Variants in ERICH6B observed in about 807,000 individuals in gnomAD.
ERICH6B encodes glutamate rich 6B, also known as glutamate-rich protein 6B.
In ERICH6B, 69 loss-of-function variants were observed where a neutral mutation model predicts 80.0. The ratio of observed to expected loss-of-function variants is 0.86; its 90% CI spans 0.71 to 1.05. The LOEUF (loss-of-function observed/expected upper bound fraction) is 1.05. Ranked by LOEUF, ERICH6B falls within the 50% of genes least tolerant of loss-of-function variation. The probability of loss-of-function intolerance (pLI) is 0.00; values close to 1 mark genes in which losing one functional copy is unlikely to be tolerated. For missense variants in ERICH6B, 754 were observed against 796.1 expected, an observed-to-expected ratio of 0.95 and a Z score of 0.64; for synonymous variants, 283 against 291.9, an observed-to-expected ratio of 0.97 and a Z score of 0.31.
In ERICH6B at chr13:45,596,838, C is replaced by T. The variant is rs1876414086; in HGVS notation, c.168G>A (p.Leu56=). 1 of 1,551,816 alleles carries T rather than the reference C, an allele frequency of 6.4e-7. No individual in the cohort carries two copies. The highest frequency in any genetic ancestry group is 8.7e-7 in the Non-Finnish European group (1 of 1,147,018). Residue 56 remains leucine, a synonymous_variant, in exon 3 of 15, where the codon CTG becomes CTA. Transcript: ENST00000298738. ...CCTCCTCCAGATACTCTTTGTCCTC[C>T]AGAGACTCTCCCTCTGGAGAAAATG... The part of the protein sequence containing the change: ...ESPFSPEGES[L]EDKEYLEEEE...
At chr13:45,602,195 T>C (rs1566306089) in intron 2 of ERICH6B, among the ~76,000 whole-genome samples, 1 of 152,096 alleles carries the variant, frequency 6.6e-6, no homozygotes, top group Non-Finnish European at 1.5e-5. Context: ...GAAATGATGG[T>C]TCTGGGGCAG....
chr13:45,610,666 A>G (rs1949894491), intron 1 of ERICH6B, among the ~76,000 whole-genome samples: 2 of 152,220 alleles, frequency 1.3e-5, no homozygotes, highest in South Asian at 2.1e-4. Flanking sequence ...TACAAGCTGG[A>G]CAGCATGTTA....
rs1593786036 is a variant in ERICH6B at position 45,570,619 on chromosome 13, A to G, written c.1051-2168T>C. On this transcript the variant is annotated intron_variant, in intron 8 of 14. Transcript: ENST00000298738. ...TGTGCCTCAGAAGTTTACTTAAACA[A>G]GTCTTGCAGCCGCAGGTTCTGTGTG... 2.0e-5 allele frequency among the ~76,000 whole-genome samples: 3 copies of G among 152,340 alleles called. No individual in the cohort carries two copies. In the South Asian group the frequency reaches 6.2e-4, roughly 32 times the overall value.
intron 2 of ERICH6B, among the ~76,000 whole-genome samples, chr13:45,599,198 C>T (rs866848817): frequency 2.6e-5 from 4 of 152,246 alleles, no homozygotes; most frequent in Middle Eastern, 3.4e-3. Flanking sequence ...AAAAACAAGG[C>T]CTCACTGGTA....
intron 1 of ERICH6B, among the ~76,000 whole-genome samples, chr13:45,613,861 C>T (rs150076752): frequency 2.6e-5 from 4 of 152,194 alleles, no homozygotes; most frequent in African/African-American, 7.2e-5. Flanking sequence ...GTGAAGAGGC[C>T]GGTAAACCAC....
chr13:45,604,423 C>T (rs1363824869), intron 2 of ERICH6B, among the ~76,000 whole-genome samples: 6 of 152,186 alleles, frequency 3.9e-5, no homozygotes, highest in Non-Finnish European at 5.9e-5. Flanking sequence ...ATCCATCCGT[C>T]AGGGGAGGCT....
At position 45,561,505 on chromosome 13, in the gene ERICH6B, G is replaced by A. The variant is rs1448809126; in HGVS notation, c.1271C>T (p.Thr424Ile). 5.2e-6 allele frequency: 8 copies of A among 1,551,674 alleles called. No individual in the cohort carries two copies. The East Asian group carries it at 2.0e-4, about 38-fold the overall frequency. Reference protein sequence around the residue: ...RREAQKLTEMTSFTFHLMSKP... With the variant: ...RREAQKLTEMISFTFHLMSKP... ...GCTCATTAAATGAAATGTGAAACTG[G>A]TCATCTCTGTTAACTTTTGAGCTGC... The change falls in exon 11 of 15, where the codon ACC (threonine) becomes ATC (isoleucine). Residue 424 changes from threonine to isoleucine, a missense_variant. Physicochemically the swap from Thr to Ile is moderately conservative, Grantham distance 89. Transcript: ENST00000298738.
At chr13:45,595,262 A>G (rs973426663) in intron 3 of ERICH6B, among the ~76,000 whole-genome samples, 3 of 152,250 alleles carry the variant, frequency 2.0e-5, no homozygotes, top group African/African-American at 7.2e-5. Flanking sequence ...TGGAAGCAAT[A>G]AATGGTCAGT....
At chr13:45,542,258 A>G (rs1180086105) in intron 14 of ERICH6B, among the ~76,000 whole-genome samples, 1 of 152,194 alleles carries the variant, frequency 6.6e-6, no homozygotes, top group African/African-American at 2.4e-5. Context: ...TGCGTATGAA[A>G]TGTCTTCACA....
rs7990588 is a variant in ERICH6B, at chr13:45,570,913, G to A, written c.1051-2462C>T. ...TCACTCCATTGCAGCTGCAGGTGCC[G>A]TGTGGCATTCACTCCACTGCAGCTG... is the stretch of plus-strand genomic sequence containing the variant. On this transcript the variant is annotated intron_variant, in intron 8 of 14. Coordinates refer to ENST00000298738, the MANE Select transcript of ERICH6B (RefSeq NM_182542.3). 2.5e-4 allele frequency among the ~76,000 whole-genome samples: 37 copies of A among 150,510 alleles called. 2 individuals are homozygous for A. The South Asian group carries it at 3.4e-3, about 14-fold the overall frequency.
At chr13:45,558,102 A>T (rs1435040310) in intron 11 of ERICH6B, among the ~76,000 whole-genome samples, 1 of 152,084 alleles carries the variant, frequency 6.6e-6, no homozygotes, top group African/African-American at 2.4e-5. Flanking sequence ...GTTGTCTATC[A>T]TTTCTTTCAG....
Position 45,541,714 on chromosome 13 carries a change from C to T in ERICH6B, c.1873-34G>A, listed in dbSNP as rs375052428. Reference sequence around the variant, plus strand: ...ATTCACAGAGGACTGGGTGAGAATGCATGCTGCCTGAGCACGGTGCCCCAG... The same window carrying T: ...ATTCACAGAGGACTGGGTGAGAATGTATGCTGCCTGAGCACGGTGCCCCAG... On this transcript the variant is annotated intron_variant, in intron 14 of 14. Transcript: ENST00000298738. The T allele has an allele frequency of 7.1e-6, 11 of 1,542,882 alleles. No individual in the cohort carries two copies. The African/African-American group carries it at 1.5e-4, about 21-fold the overall frequency.
intron 3 of ERICH6B, 63 bp from the exon 4 acceptor site, chr13:45,590,760 A>C: frequency 2.1e-6 from 3 of 1,439,340 alleles, no homozygotes; most frequent in Non-Finnish European, 2.9e-6. Context: ...CTATTTAAAA[A>C]TACGTTGTTA....
At chr13:45,554,681 C>T (rs148005152) in intron 11 of ERICH6B, among the ~76,000 whole-genome samples, 2,007 of 152,310 alleles carry the variant, frequency 0.013, 12 homozygotes, top group Middle Eastern at 0.034. Flanking sequence ...GCCTGAAGCT[C>T]GTCAGCATTT....
Position 45,596,455 on chromosome 13 carries a change from T to G in ERICH6B, c.551A>C (p.Lys184Thr), listed in dbSNP as rs1459803787. The G allele has an allele frequency of 1.3e-6, 2 of 1,551,666 alleles. No individual in the cohort carries two copies. The highest frequency in any genetic ancestry group is 1.2e-5 in the South Asian group (1 of 84,052). ...TTCTTCCTCCTCCAGATTCTCTTCC[T>G]TCTCCAGAGCCTTTTCCTCTTCTAG... is the stretch of plus-strand genomic sequence containing the variant. ...SYLEEEKALE[K>T]EENLEEEEAL... Residue 184 changes from lysine to threonine, a missense_variant, in exon 3 of 15, where the codon AAG (lysine) becomes ACG (threonine). Lys to Thr is a moderately conservative substitution (Grantham distance 78). Coordinates refer to ENST00000298738, the MANE Select transcript of ERICH6B (RefSeq NM_182542.3).
At chr13:45,589,918 G>A (rs1392499459) in intron 4 of ERICH6B, among the ~76,000 whole-genome samples, 3 of 152,174 alleles carry the variant, frequency 2.0e-5, no homozygotes, top group African/African-American at 7.2e-5. Flanking sequence ...CTGCCTCGCC[G>A]GGTCAAGGGA....
chr13:45,561,638 T>A, intron 10 of ERICH6B, 112 bp from the exon 11 acceptor site: 1 of 1,230,484 alleles, frequency 8.1e-7, no homozygotes, highest in Non-Finnish European at 1.1e-6. Flanking sequence ...TTGGGAGATC[T>A]GCCATTTTTC....
chr13:45,575,357 G>A (rs937395590), intron 7 of ERICH6B, among the ~76,000 whole-genome samples: 2 of 152,184 alleles, frequency 1.3e-5, no homozygotes, highest in African/African-American at 4.8e-5. Flanking sequence ...ACATGGCAGG[G>A]GGAACCCTAT....
chr13:45,574,392 C>T lies in ERICH6B; in HGVS notation c.1050+450G>A, dbSNP rs114857883. ...AAGAAAACATCCAGTGGATGTAAGG[C>T]TTATTGAAACCATGATGACTCCCCA... is the stretch of plus-strand genomic sequence containing the variant. On this transcript the variant is annotated intron_variant, in intron 8 of 14. Coordinates refer to ENST00000298738, the MANE Select transcript of ERICH6B (RefSeq NM_182542.3). 1.7e-3 allele frequency among the ~76,000 whole-genome samples: 260 copies of T among 152,288 alleles called. 2 individuals carry two copies. The highest frequency in any genetic ancestry group is 6.1e-3 in the African/African-American group (252 of 41,548).
Sources: allele counts gnomAD v4.1 joint callset (sites outside exome capture counted in the v4.1 genomes callset), GRCh38; gene constraint gnomAD v4.1.1; transcripts MANE v1.5; gene names NCBI Gene and HGNC (gene_info 2026-07-23, HGNC 2026-07-21).